The following ZNF718 variants were observed in gnomAD, a reference collection of about 807,000 sequenced individuals.
ZNF718 encodes zinc finger protein 718.
Under a neutral mutation model 2.6 loss-of-function variants are expected in ZNF718, and 3 were observed. The observed-to-expected ratio is 1.16, with a 90% CI of 0.53 to 3.01. The LOEUF is 3.01. Ranked by LOEUF, ZNF718 falls within the 30% of genes most tolerant of loss-of-function variation. ZNF718 has a pLI of 0.03. For synonymous variants in ZNF718, 135 were observed against 77.9 expected, an observed-to-expected ratio of 1.73 and a Z score of -3.86; for missense variants, 468 against 230.0, an observed-to-expected ratio of 2.03 and a Z score of -6.69.
intron 3 of ZNF718, among the ~76,000 whole-genome samples, chr4:175,577 CCAG>C: frequency 6.6e-6 from 1 of 152,302 alleles, no homozygotes; most frequent in African/African-American, 2.4e-5. Context: ...TTGTGCAGCA[CCAG>C]GAGTTCCAAT....
chr4:179,825 T>C (rs1303556568), intron 3 of ZNF718, among the ~76,000 whole-genome samples: 1 of 152,186 alleles, frequency 6.6e-6, no homozygotes, highest in Non-Finnish European at 1.5e-5. Flanking sequence ...AGTGGTGGAA[T>C]TGTAGGTTAT....
At chr4:140,157 A>G (rs1232478945) in intron 3 of ZNF718, among the ~76,000 whole-genome samples, 3 of 152,070 alleles carry the variant, frequency 2.0e-5, no homozygotes, top group African/African-American at 7.2e-5. Flanking sequence ...CTACGGAACA[A>G]AAAGGCCCAC....
At chr4:178,403 T>C (rs1372149731) in intron 3 of ZNF718, among the ~76,000 whole-genome samples, 1 of 152,054 alleles carries the variant, frequency 6.6e-6, no homozygotes, top group Non-Finnish European at 1.5e-5. Flanking sequence ...CCTCCCAAAG[T>C]GTTAGAATTA....
intron 3 of ZNF718, among the ~76,000 whole-genome samples, chr4:152,081 A>G (rs1581447436): frequency 6.8e-6 from 1 of 146,258 alleles, no homozygotes; most frequent in East Asian, 2.1e-4. Flanking sequence ...AAACATCTCA[A>G]TGCTTTACAA....
At position 161,397 on chromosome 4, in the gene ZNF718, C is replaced by T. The variant is rs191129881; in HGVS notation, c.712C>T (p.Arg238Trp). The T allele has an allele frequency of 1.2e-4, 95 of 779,392 alleles. No homozygotes were observed. The highest frequency in any genetic ancestry group is 1.2e-3 in the African/African-American group (68 of 59,098). 48.3% of individuals were successfully genotyped at this position (779,392 alleles called of 1,614,324 possible). A position where few individuals can be genotyped will look rare whatever the true frequency, so the allele number is the denominator to read the frequency against. The change falls in exon 4 of 4, where the codon CGG (arginine) becomes TGG (tryptophan). Residue 238 changes from arginine to tryptophan, a missense_variant. Coordinates refer to ENST00000510175, the MANE Select transcript of ZNF718 (RefSeq NM_001039127.6). ...KCEECGKGFT[R>W]SSHLTKHKRI... The stretch of plus-strand genomic sequence containing the variant: ...TGAAGAATGTGGTAAAGGCTTTACT[C>T]GGTCCTCACACCTTACTAAACATAA...
chr4:202,049 A>G (rs1337171393), exon 5 of ZNF718: 2 of 152,920 alleles, frequency 1.3e-5, no homozygotes, highest in African/African-American at 4.8e-5. Flanking sequence ...TAGCTCCTAT[A>G]ATTCCCATAC....
At chr4:155,010 T>A (rs1553813356) in intron 3 of ZNF718, among the ~76,000 whole-genome samples, 1 of 152,190 alleles carries the variant, frequency 6.6e-6, no homozygotes, top group Admixed American at 6.5e-5. Flanking sequence ...CTAAACAGGG[T>A]CAAGGTACAG....
intron 3 of ZNF718, among the ~76,000 whole-genome samples, chr4:185,838 A>G (rs1231283173): frequency 1.3e-5 from 2 of 151,726 alleles, no homozygotes; most frequent in Admixed American, 6.6e-5. Flanking sequence ...TCTGTTATCT[A>G]TTTGCTTGGT....
intron 3 of ZNF718, among the ~76,000 whole-genome samples, chr4:192,901 C>T (rs1199115913): frequency 6.6e-6 from 1 of 152,194 alleles, no homozygotes; most frequent in Non-Finnish European, 1.5e-5. Context: ...CCCTGACTAT[C>T]TGCTTGATAG....
At position 129,104 on chromosome 4, in the gene ZNF718, T is replaced by C. The variant is rs1341690795; in HGVS notation, c.4-1684T>C. ...TGCCACCATCTGATCAGCTGTTCAT[T>C]GACAGAAGAGAAATTGTTGTTATTA... On this transcript the variant is annotated intron_variant, in intron 1 of 3. Coordinates refer to ENST00000510175, the MANE Select transcript of ZNF718 (RefSeq NM_001039127.6). 2.0e-3 allele frequency among the ~76,000 whole-genome samples: 207 copies of C among 104,894 alleles called. 61 individuals are homozygous for C. Among genetic ancestry groups the C allele is most frequent in the African/African-American group, 6.4e-3 (195 of 30,436 alleles). The allele number at this position is 104,894 out of a possible 152,430, so 68.8% of individuals were successfully genotyped here.
chr4:166,165 A>G (rs1466854054), downstream of ZNF718, among the ~76,000 whole-genome samples: 3 of 152,080 alleles, frequency 2.0e-5, no homozygotes, highest in Non-Finnish European at 2.9e-5. Context: ...CCATGTCCCT[A>G]CAAAGGACAT....
chr4:181,705 G>A (rs1717468462), intron 3 of ZNF718, among the ~76,000 whole-genome samples: 1 of 151,984 alleles, frequency 6.6e-6, no homozygotes, highest in Non-Finnish European at 1.5e-5. Context: ...CAGGATGTGT[G>A]GGCTTGTTAC....
At chr4:173,777 C>G (rs1393936398) in intron 3 of ZNF718, among the ~76,000 whole-genome samples, 1 of 152,174 alleles carries the variant, frequency 6.6e-6, no homozygotes, top group African/African-American at 2.4e-5. Context: ...GGGCCACCAC[C>G]TGCAGAGTCC....
chr4:200,386 A>C (rs1717875022), intron 3 of ZNF718, among the ~76,000 whole-genome samples: 1 of 152,160 alleles, frequency 6.6e-6, no homozygotes, highest in Admixed American at 6.5e-5. Context: ...TTTGTGCCTC[A>C]GCCTCCCAAG....
chr4:125,972 C>A (rs1405498704), intron 1 of ZNF718, among the ~76,000 whole-genome samples: 1 of 152,236 alleles, frequency 6.6e-6, no homozygotes, highest in Non-Finnish European at 1.5e-5. Context: ...ACCATCTGAT[C>A]TTAATCTCCT....
chr4:144,561 G>C (rs1715963600), intron 3 of ZNF718, among the ~76,000 whole-genome samples: 1 of 152,144 alleles, frequency 6.6e-6, no homozygotes, highest in African/African-American at 2.4e-5. Context: ...TTGATGCTTT[G>C]ATAGGAATTG....
chr4:165,486 TA>T (rs1717065471), downstream of ZNF718, among the ~76,000 whole-genome samples: 1 of 152,178 alleles, frequency 6.6e-6, no homozygotes, highest in Non-Finnish European at 1.5e-5. Flanking sequence ...TGAAATCTCT[TA>T]GAAGAAAATG....
At chr4:136,440 A>G in intron 3 of ZNF718, 1 of 521,882 alleles carries the variant, frequency 1.9e-6, no homozygotes, top group South Asian at 1.4e-5. Flanking sequence ...TGTAGCTGAG[A>G]GGAGTTTGAG....
intron 3 of ZNF718, among the ~76,000 whole-genome samples, chr4:185,101 G>T (rs1445936777): frequency 2.0e-5 from 3 of 152,034 alleles, no homozygotes; most frequent in Non-Finnish European, 4.4e-5. Context: ...TTAGGTTGAT[G>T]ACTTGAGATC....
Sources: gnomAD v4.1 joint callset for allele counts (sites outside exome capture counted in the v4.1 genomes callset) on GRCh38, gnomAD v4.1.1 for gene constraint, MANE v1.5 for transcripts, NCBI Gene and HGNC (gene_info 2026-07-23, HGNC 2026-07-21) for gene names.